PRP4K: variants seen among roughly 807,000 people sequenced by gnomAD.
PRP4K encodes serine/threonine-protein kinase PRP4 homolog.
At chr6:4,052,193 G>T in the PRP4K span, 4 of 1,350,678 alleles carry the variant, frequency 3.0e-6, no homozygotes, top group South Asian at 1.6e-5. Flanking sequence ...CTGCGTATTT[G>T]ATTTGTTTTA....
At chr6:4,057,941 T>C in the PRP4K span, among the ~76,000 whole-genome samples, 1 of 152,250 alleles carries the variant, frequency 6.6e-6, no homozygotes, top group Non-Finnish European at 1.5e-5. Flanking sequence ...GATTTCAGCC[T>C]ATTTGCTGAA....
chr6:4,048,496 G>T, the PRP4K span, among the ~76,000 whole-genome samples: 15 of 152,084 alleles, frequency 9.9e-5, no homozygotes, highest in Non-Finnish European at 1.6e-4. Context: ...TGTATGGGAA[G>T]AATGGTATAA....
chr6:4,058,455 A>G, the PRP4K span, among the ~76,000 whole-genome samples: 9 of 152,238 alleles, frequency 5.9e-5, no homozygotes, highest in East Asian at 7.7e-4. Flanking sequence ...TGACTCTCCA[A>G]TTTTAAATAG....
At chr6:4,062,061 T>A in the PRP4K span, 1 of 152,684 alleles carries the variant, frequency 6.5e-6, no homozygotes, top group African/African-American at 2.4e-5. The surrounding 1 kb of genome is among the most constrained non-coding windows in gnomAD (Gnocchi z 4.2). Context: ...ACCAGTTTAT[T>A]AATAATTAGG....
the PRP4K span, among the ~76,000 whole-genome samples, chr6:4,031,265 G>C: frequency 6.6e-6 from 1 of 152,158 alleles, no homozygotes; most frequent in East Asian, 1.9e-4. Context: ...TGCCTGGTTT[G>C]CTTTTCCCTT....
At chr6:4,029,496 A>G in the PRP4K span, among the ~76,000 whole-genome samples, 2,539 of 151,806 alleles carry the variant, frequency 0.017, 26 homozygotes, top group Admixed American at 0.034. Flanking sequence ...TATTTTTAGT[A>G]AAGATGAGGT....
At chr6:4,040,967 T>C in the PRP4K span, 3 of 1,549,356 alleles carry the variant, frequency 1.9e-6, 1 homozygote, top group South Asian at 3.5e-5. Flanking sequence ...TTTTCCAGTT[T>C]AGAGAAGTCT....
the PRP4K span, chr6:4,047,197 G>A: frequency 1.9e-6 from 3 of 1,611,824 alleles, no homozygotes; most frequent in East Asian, 4.5e-5. Context: ...AGAAGTTGTT[G>A]GCACCTGATA....
chr6:4,052,175 C>T, the PRP4K span: 6 of 1,418,288 alleles, frequency 4.2e-6, no homozygotes, highest in East Asian at 1.2e-4. Flanking sequence ...AATGCTGTAA[C>T]AGATTTTCTG....
chr6:4,049,917 G>A, the PRP4K span: 36 of 1,588,654 alleles, frequency 2.3e-5, no homozygotes, highest in Admixed American at 1.5e-4. Context: ...TTAACAGTAC[G>A]GATACTTACA....
chr6:4,040,765 T>A, the PRP4K span: 1 of 1,611,820 alleles, frequency 6.2e-7, no homozygotes, highest in Non-Finnish European at 8.5e-7. Flanking sequence ...TTTTCTTCTT[T>A]AAATAGGGAC....
At chr6:4,029,452 T>C in the PRP4K span, among the ~76,000 whole-genome samples, 26 of 151,740 alleles carry the variant, frequency 1.7e-4, no homozygotes, top group Admixed American at 1.6e-3. Context: ...CAAGTAATCC[T>C]TCCACCTCAG....
At chr6:4,058,643 T>C in the PRP4K span, 27 of 961,222 alleles carry the variant, frequency 2.8e-5, no homozygotes, top group Non-Finnish European at 4.0e-5. Flanking sequence ...ATAACATACT[T>C]ATTTGACTTA....
the PRP4K span, among the ~76,000 whole-genome samples, chr6:4,028,666 T>C: frequency 1.3e-5 from 2 of 152,230 alleles, no homozygotes; most frequent in South Asian, 4.1e-4. Flanking sequence ...AGGACGTAGC[T>C]TCTTCTGCAC....
At chr6:4,063,642 T>C in the PRP4K span, 1 of 152,154 alleles carries the variant, frequency 6.6e-6, no homozygotes, top group African/African-American at 2.4e-5. Flanking sequence ...CTCTGGGTTT[T>C]TTATACTCCC....
chr6:4,059,462 C>T, the PRP4K span, among the ~76,000 whole-genome samples: 1 of 152,156 alleles, frequency 6.6e-6, no homozygotes, highest in Non-Finnish European at 1.5e-5. Context: ...GTAATGATTT[C>T]CTTATTTTTG....
At chr6:4,045,397 G>T in the PRP4K span, among the ~76,000 whole-genome samples, 3 of 152,074 alleles carry the variant, frequency 2.0e-5, no homozygotes, top group Non-Finnish European at 4.4e-5. Flanking sequence ...TGCATGTCCT[G>T]CCCAGAGCAG....
At chr6:4,027,412 G>T in the PRP4K span, among the ~76,000 whole-genome samples, 1 of 152,084 alleles carries the variant, frequency 6.6e-6, no homozygotes, top group African/African-American at 2.4e-5. Flanking sequence ...TTGCCTAAGG[G>T]CACAATAGCT....
At chr6:4,035,523 G>C in the PRP4K span, among the ~76,000 whole-genome samples, 1 of 151,936 alleles carries the variant, frequency 6.6e-6, no homozygotes, top group African/African-American at 2.4e-5. Flanking sequence ...TCCTCAGATG[G>C]CCCTATCAAG....
Sources: allele counts gnomAD v4.1 joint callset (sites outside exome capture counted in the v4.1 genomes callset), GRCh38; gene constraint gnomAD v4.1.1; non-coding constraint Gnocchi (gnomAD v3.1); transcripts MANE v1.5; gene names NCBI Gene and HGNC (gene_info 2026-07-23, HGNC 2026-07-21).